PTPRR: variants seen among roughly 807,000 people sequenced by gnomAD.
PTPRR encodes protein tyrosine phosphatase receptor type R.
PTPRR carries 38 observed loss-of-function variants against 77.2 expected under a neutral mutation model. The ratio of observed to expected loss-of-function variants is 0.49; its 90% CI spans 0.38 to 0.65. The LOEUF (loss-of-function observed/expected upper bound fraction) is 0.65, where lower values mean the gene tolerates loss of function less well. PTPRR is among the 30% of genes least tolerant of loss of function. PTPRR has a pLI of 0.00. For missense variants in PTPRR, 744 were observed against 799.2 expected, an observed-to-expected ratio of 0.93 and a Z score of 0.83; for synonymous variants, 299 against 283.1, an observed-to-expected ratio of 1.06 and a Z score of -0.57.
chr12:70,669,737 T>G (rs1415512173), intron 10 of PTPRR, among the ~76,000 whole-genome samples: 1 of 152,000 alleles, frequency 6.6e-6, no homozygotes, highest in Non-Finnish European at 1.5e-5. Flanking sequence ...GCTTGTTTAT[T>G]TATTCCTATC....
chr12:70,881,603 T>A (rs11178470), intron 2 of PTPRR, among the ~76,000 whole-genome samples: 2 of 152,132 alleles, frequency 1.3e-5, no homozygotes, highest in East Asian at 3.9e-4. Context: ...AAGTTGGTAA[T>A]GTTCTCTTGA....
intron 2 of PTPRR, among the ~76,000 whole-genome samples, chr12:70,854,751 C>T (rs764860852): frequency 3.9e-5 from 6 of 152,200 alleles, no homozygotes; most frequent in Non-Finnish European, 5.9e-5. Context: ...CCTTAATTCT[C>T]AGTCCTTTGA....
intron 2 of PTPRR, among the ~76,000 whole-genome samples, chr12:70,887,252 C>A (rs1893254698): frequency 6.6e-6 from 1 of 151,970 alleles, no homozygotes; most frequent in Admixed American, 6.6e-5. Context: ...GAGTTTGAGA[C>A]CAGCTGGGCC....
intron 6 of PTPRR, among the ~76,000 whole-genome samples, chr12:70,704,470 T>C (rs1050405484): frequency 6.6e-6 from 1 of 151,484 alleles, no homozygotes; most frequent in South Asian, 2.1e-4. Flanking sequence ...AAAAGCCAGA[T>C]AAAAGAGGAT....
chr12:70,846,218 C>A (rs911858760), intron 2 of PTPRR, among the ~76,000 whole-genome samples: 1 of 152,124 alleles, frequency 6.6e-6, no homozygotes, highest in Non-Finnish European at 1.5e-5. Flanking sequence ...CGCTTCCTTT[C>A]CACTAGCTAC....
chr12:70,828,801 T>C (rs904964205), intron 2 of PTPRR, among the ~76,000 whole-genome samples: 2 of 152,330 alleles, frequency 1.3e-5, no homozygotes, highest in Admixed American at 6.5e-5. Flanking sequence ...AATAAACCAC[T>C]TAATGTTGAT....
At chr12:70,823,530 G>GT (rs541104173) in intron 2 of PTPRR, among the ~76,000 whole-genome samples, 136 of 152,102 alleles carry the variant, frequency 8.9e-4, no homozygotes, top group Middle Eastern at 3.4e-3. Flanking sequence ...GTTACTGTGT[G>GT]TTTTTTTTGT....
intron 6 of PTPRR, among the ~76,000 whole-genome samples, chr12:70,708,811 TACAAAC>T (rs68094524): frequency 0.081 from 11,593 of 143,158 alleles, 497 homozygotes; most frequent in South Asian, 0.12. Context: ...TAAATACAAA[TACAAAC>T]ACACACACAC....
intron 2 of PTPRR, among the ~76,000 whole-genome samples, chr12:70,776,530 C>A (rs1461300119): frequency 6.6e-6 from 1 of 152,098 alleles, no homozygotes; most frequent in Non-Finnish European, 1.5e-5. Flanking sequence ...CCTCCATTCA[C>A]CAAATTTGCC....
chr12:70,871,826 C>T (rs1386405039), intron 2 of PTPRR, among the ~76,000 whole-genome samples: 1 of 152,130 alleles, frequency 6.6e-6, no homozygotes. Context: ...AAATTTTAGG[C>T]TGTGACAAAC....
At chr12:70,640,096 G>A (rs1443438647) in intron 13 of PTPRR, among the ~76,000 whole-genome samples, 1 of 152,210 alleles carries the variant, frequency 6.6e-6, no homozygotes, top group African/African-American at 2.4e-5. Flanking sequence ...GCCTTCATGA[G>A]AAATAACGGT....
chr12:70,722,784 C>T (rs1303513061), intron 6 of PTPRR, among the ~76,000 whole-genome samples: 1 of 152,128 alleles, frequency 6.6e-6, no homozygotes, highest in Non-Finnish European at 1.5e-5. Flanking sequence ...CCCTGTTTCA[C>T]AGTTCATATC....
intron 2 of PTPRR, among the ~76,000 whole-genome samples, chr12:70,810,610 C>T (rs552922994): frequency 3.5e-4 from 54 of 152,174 alleles, no homozygotes; most frequent in Non-Finnish European, 6.8e-4. Context: ...GAAAATCATA[C>T]CAAAACCTTA....
At chr12:70,853,379 C>G (rs1287370774) in intron 2 of PTPRR, among the ~76,000 whole-genome samples, 2 of 152,204 alleles carry the variant, frequency 1.3e-5, no homozygotes, top group African/African-American at 4.8e-5. Flanking sequence ...ATTACACATT[C>G]TGCATTAAAA....
At chr12:70,797,619 A>G (rs575368033) in intron 2 of PTPRR, among the ~76,000 whole-genome samples, 1 of 152,262 alleles carries the variant, frequency 6.6e-6, no homozygotes, top group Admixed American at 6.5e-5. Context: ...CAATCATGTC[A>G]ATGGTCTCAC....
intron 2 of PTPRR, among the ~76,000 whole-genome samples, chr12:70,839,495 G>A (rs577480405): frequency 6.6e-6 from 1 of 152,156 alleles, no homozygotes; most frequent in African/African-American, 2.4e-5. Flanking sequence ...AAGTTATACA[G>A]ACTATTTAAA....
rs1203796175 is a variant in PTPRR at position 70,662,478 on chromosome 12, T to C, written c.1608+17A>G. On this transcript the variant is annotated intron_variant, in intron 11 of 13. Coordinates refer to ENST00000283228, the MANE Select transcript of PTPRR (RefSeq NM_002849.4). ...ACATCATCTACTTTGTAGATGGCTATAGCTACATAATCTTACCTTTAAGAC... is the reference window on the plus strand; with the variant it reads ...ACATCATCTACTTTGTAGATGGCTACAGCTACATAATCTTACCTTTAAGAC... 1.4e-6 allele frequency: 2 copies of C among 1,465,582 alleles called. No homozygotes were observed. Among genetic ancestry groups the C allele is most frequent in the South Asian group, 1.2e-5 (1 of 85,924 alleles). The allele number at this position is 1,465,582 out of a possible 1,614,324, so 90.8% of individuals were successfully genotyped here. A position where few individuals can be genotyped will look rare whatever the true frequency, so the allele number is the denominator to read the frequency against.
intron 2 of PTPRR, among the ~76,000 whole-genome samples, chr12:70,792,587 TAA>T (rs1445794577): frequency 3.3e-5 from 5 of 152,338 alleles, no homozygotes; most frequent in Admixed American, 6.5e-5. Context: ...GTAATTATTT[TAA>T]AGATAGTTTA....
chr12:70,659,561 C>CCCTATAAAGTGA, intron 12 of PTPRR, among the ~76,000 whole-genome samples: 1 of 152,070 alleles, frequency 6.6e-6, no homozygotes, highest in Non-Finnish European at 1.5e-5. Context: ...GGGGAAGTGA[C>CCCTATAAAGTGA]TAGTTCATTT....
Sources: gnomAD v4.1 joint callset for allele counts (sites outside exome capture counted in the v4.1 genomes callset) on GRCh38, gnomAD v4.1.1 for gene constraint, MANE v1.5 for transcripts, NCBI Gene and HGNC (gene_info 2026-07-23, HGNC 2026-07-21) for gene names.